CSMD1: variants seen among roughly 807,000 people sequenced by gnomAD.
CSMD1 encodes CUB and Sushi multiple domains 1, also known as CUB and sushi domain-containing protein 1.
Under a neutral mutation model 417.5 loss-of-function variants are expected in CSMD1, and 213 were observed. The observed-to-expected ratio is 0.51, with a 90% CI of 0.46 to 0.57. The LOEUF is 0.57. CSMD1 is among the 20% of genes least tolerant of loss of function. The probability of loss-of-function intolerance (pLI) is 0.00; values close to 1 mark genes in which losing one functional copy is unlikely to be tolerated. For missense variants in CSMD1, 6,923 were observed against 4,529.7 expected (o/e 1.53, Z -15.17); for synonymous variants, 2,862 against 1,736.8 (o/e 1.65, Z -16.11).
chr8:4,515,178 T>A (rs1435052121), intron 2 of CSMD1, among the ~76,000 whole-genome samples: 1 of 152,218 alleles, frequency 6.6e-6, no homozygotes, highest in Non-Finnish European at 1.5e-5. Flanking sequence ...GAACTGCTTC[T>A]AACTTCTCTT....
intron 1 of CSMD1, among the ~76,000 whole-genome samples, chr8:4,777,734 G>A (rs1325606931): frequency 6.6e-6 from 1 of 152,114 alleles, no homozygotes; most frequent in Non-Finnish European, 1.5e-5. Context: ...ATGCATGTGT[G>A]TTTCAAAATG....
In CSMD1 at chr8:3,575,066, G is replaced by A. The variant is rs912861753; in HGVS notation, c.1223C>T (p.Ala408Val). Residue 408 changes from alanine to valine, a missense_variant and splice_region_variant, in exon 10 of 70, where the codon GCG (alanine) becomes GTG (valine). Ala to Val is a moderately conservative substitution (Grantham distance 64). Coordinates refer to ENST00000635120, the MANE Select transcript of CSMD1 (RefSeq NM_033225.6). ...AWSDHRPICRARTCGSNLRGP... is the reference protein window; with the variant it reads ...AWSDHRPICRVRTCGSNLRGP... Reference sequence around the variant, plus strand: ...ACGCAGATTGGATCCACATGTTCTCGCTGGAAACACATAGAAACGACGTTA... The same window carrying A: ...ACGCAGATTGGATCCACATGTTCTCACTGGAAACACATAGAAACGACGTTA... The A allele has an allele frequency of 5.6e-6, 9 of 1,612,190 alleles. No homozygotes were observed. Among genetic ancestry groups the A allele is most frequent in the Admixed American group, 1.7e-5 (1 of 59,882 alleles).
intron 23 of CSMD1, among the ~76,000 whole-genome samples, chr8:3,314,812 G>C (rs1369277560): frequency 1.3e-5 from 2 of 152,176 alleles, no homozygotes; most frequent in Non-Finnish European, 2.9e-5. Flanking sequence ...ATTCGGATTA[G>C]TTCTTATCTT....
In CSMD1 at chr8:4,266,739, A is replaced by G. The variant is rs555794104; in HGVS notation, c.415+153214T>C. ...TACAAAAATTCTAATTTTTTGTCTA[A>G]TAAAAATTTGATGATCTATAAATCC... On this transcript the variant is annotated intron_variant, in intron 3 of 69. Transcript: ENST00000635120. Among the ~76,000 whole-genome samples, 524 of 105,406 alleles carry G rather than the reference A, an allele frequency of 5.0e-3. 75 individuals are homozygous for G. The highest frequency in any genetic ancestry group is 0.013 in the African/African-American group (504 of 38,730). 69.2% of individuals were successfully genotyped at this position (105,406 alleles called of 152,430 possible).
chr8:4,419,887 C>T, intron 3 of CSMD1, 66 bp downstream of exon 3: 3 of 1,082,362 alleles, frequency 2.8e-6, no homozygotes, highest in East Asian at 5.3e-5. Context: ...CATTATTAAT[C>T]CAGTGTAGCA....
At chr8:3,938,275 C>G (rs1439332975) in intron 5 of CSMD1, among the ~76,000 whole-genome samples, 2 of 151,914 alleles carry the variant, frequency 1.3e-5, no homozygotes, top group South Asian at 2.1e-4. Flanking sequence ...CTACAGAGCA[C>G]AAGGGAAAAA....
At position 4,070,419 on chromosome 8, in the gene CSMD1, G is replaced by A. The variant is rs138275148; in HGVS notation, c.416-38320C>T. Among the ~76,000 whole-genome samples, 988 of 152,052 alleles carry A rather than the reference G, an allele frequency of 6.5e-3. 19 individuals carry two copies. The highest frequency in any genetic ancestry group is 0.058 in the East Asian group (300 of 5,174). On this transcript the variant is annotated intron_variant, in intron 3 of 69. Transcript: ENST00000635120. ...GTCGCCCAGGCTGGAGTGCAGTGGT[G>A]GGATCTCGGCTCACTGCAAGCTCCG...
At chr8:3,763,342 C>A (rs1467897703) in intron 5 of CSMD1, among the ~76,000 whole-genome samples, 1 of 152,096 alleles carries the variant, frequency 6.6e-6, no homozygotes, top group Non-Finnish European at 1.5e-5. Flanking sequence ...GTGTTGGTGT[C>A]ATGGGGGCAG....
chr8:3,279,375 T>C (rs1204079563), intron 26 of CSMD1, among the ~76,000 whole-genome samples: 4 of 152,220 alleles, frequency 2.6e-5, no homozygotes, highest in Non-Finnish European at 4.4e-5. Flanking sequence ...TCAACTCGAA[T>C]GCATGGGAGC....
At chr8:4,301,880 T>C (rs1458631699) in intron 3 of CSMD1, among the ~76,000 whole-genome samples, 1 of 67,656 alleles carries the variant, frequency 1.5e-5, no homozygotes, top group Non-Finnish European at 2.8e-5. Context: ...CACCATAAAT[T>C]TGTTGTTCTC....
intron 5 of CSMD1, among the ~76,000 whole-genome samples, chr8:3,812,989 C>T (rs55959080): frequency 4.9e-4 from 75 of 151,778 alleles, no homozygotes; most frequent in African/African-American, 1.5e-3. Flanking sequence ...GGGAGGAAAT[C>T]TGGAATTAAC....
At chr8:3,722,159 A>G in intron 6 of CSMD1, among the ~76,000 whole-genome samples, 1 of 152,156 alleles carries the variant, frequency 6.6e-6, no homozygotes. Context: ...GAATGCAAAA[A>G]TTAGCTGGGC....
chr8:4,084,794 C>A (rs191484437), intron 3 of CSMD1, among the ~76,000 whole-genome samples: 28 of 146,458 alleles, frequency 1.9e-4, no homozygotes, highest in Non-Finnish European at 2.7e-4. Context: ...CCATTCAAGT[C>A]CTGCTGAGCA....
intron 52 of CSMD1, among the ~76,000 whole-genome samples, chr8:3,005,745 T>A (rs1328755425): frequency 6.6e-5 from 10 of 152,138 alleles, no homozygotes; most frequent in Admixed American, 6.5e-4. Context: ...AAACTCTCAA[T>A]AAATTAGGTA....
intron 1 of CSMD1, among the ~76,000 whole-genome samples, chr8:4,659,601 A>G (rs1334998191): frequency 1.3e-5 from 2 of 152,128 alleles, no homozygotes; most frequent in Admixed American, 6.6e-5. Context: ...CCATAGACAC[A>G]GAAAACAGAT....
intron 10 of CSMD1, among the ~76,000 whole-genome samples, chr8:3,503,475 A>C (rs1796692199): frequency 6.6e-6 from 1 of 152,228 alleles, no homozygotes; most frequent in Non-Finnish European, 1.5e-5. Flanking sequence ...CAGTCTTGGG[A>C]CGGCGGCATC....
chr8:4,475,634 C>T (rs181461979), intron 2 of CSMD1, among the ~76,000 whole-genome samples: 46 of 151,640 alleles, frequency 3.0e-4, no homozygotes, highest in African/African-American at 9.7e-4. Flanking sequence ...TTCTTTTCTT[C>T]GAGACGGAGT....
At chr8:3,946,219 G>A (rs933239781) in intron 5 of CSMD1, among the ~76,000 whole-genome samples, 1 of 152,072 alleles carries the variant, frequency 6.6e-6, no homozygotes, top group Non-Finnish European at 1.5e-5. Flanking sequence ...TAAATGACTT[G>A]ATCTTCCAAG....
At chr8:3,706,618 T>C (rs1304018111) in intron 7 of CSMD1, among the ~76,000 whole-genome samples, 1 of 152,180 alleles carries the variant, frequency 6.6e-6, no homozygotes. Context: ...GAAAAAAAGC[T>C]CTGCCTCAAT....
Sources: gnomAD v4.1 joint callset for allele counts (sites outside exome capture counted in the v4.1 genomes callset) on GRCh38, gnomAD v4.1.1 for gene constraint, MANE v1.5 for transcripts, NCBI Gene and HGNC (gene_info 2026-07-23, HGNC 2026-07-21) for gene names.